Variants in C4orf51 observed in about 807,000 individuals in gnomAD.
C4orf51 encodes uncharacterized protein C4orf51.
Under a neutral mutation model 25.2 loss-of-function variants are expected in C4orf51, and 25 were observed. That is an observed-to-expected ratio of 0.99 (90% CI 0.72 to 1.39). C4orf51 has a LOEUF of 1.39. Among genes scored for constraint, C4orf51 ranks in the 40% most tolerant of loss-of-function variants. The probability of loss-of-function intolerance (pLI) is 0.00; values close to 1 mark genes in which losing one functional copy is unlikely to be tolerated. For missense variants in C4orf51, 252 were observed against 239.6 expected, an observed-to-expected ratio of 1.05 and a Z score of -0.34; for synonymous variants, 100 against 84.5, an observed-to-expected ratio of 1.18 and a Z score of -1.01.
At chr4:145,752,997 G>C (rs973879283) in intron 1 of C4orf51, among the ~76,000 whole-genome samples, 1 of 152,154 alleles carries the variant, frequency 6.6e-6, no homozygotes, top group African/African-American at 2.4e-5. Flanking sequence ...TGCGTGCCAC[G>C]TGGCCGCTGC....
intron 1 of C4orf51, among the ~76,000 whole-genome samples, chr4:145,686,931 G>A (rs1729190128): frequency 6.6e-6 from 1 of 151,574 alleles, no homozygotes; most frequent in Admixed American, 6.6e-5. Context: ...CCACATGGCA[G>A]CCTGACACCA....
intron 1 of C4orf51, among the ~76,000 whole-genome samples, chr4:145,753,202 G>A (rs1174894783): frequency 6.6e-6 from 1 of 151,222 alleles, no homozygotes; most frequent in Non-Finnish European, 1.5e-5. Context: ...TGGTGTTTCT[G>A]GTGGGGGAAA....
downstream of C4orf51, among the ~76,000 whole-genome samples, chr4:145,733,226 C>T (rs1732597872): frequency 6.6e-6 from 1 of 151,994 alleles, no homozygotes. Context: ...GCGGCCGTCT[C>T]CTTCTTCCTC....
At chr4:145,681,709 G>A (rs907269923) in intron 1 of C4orf51, among the ~76,000 whole-genome samples, 1 of 152,190 alleles carries the variant, frequency 6.6e-6, no homozygotes, top group African/African-American at 2.4e-5. Context: ...TGCAGAGGGT[G>A]AAAGGTGGAA....
chr4:145,729,069 A>T, intron 3 of C4orf51, 100 bp from the exon 4 acceptor site: 1 of 832,364 alleles, frequency 1.2e-6, no homozygotes, highest in Non-Finnish European at 2.0e-6. Context: ...TGCTTTCTGA[A>T]TGCAGGGGTG....
Position 145,724,071 on chromosome 4 carries a change from T to C in C4orf51, c.308-2840T>C, listed in dbSNP as rs763835836. ...CACAAATTCTAATGCCTGGTTTTTT[T>C]CCCCAGAATGCACCAAATGCCCTCA... is the stretch of plus-strand genomic sequence containing the variant. On this transcript the variant is annotated intron_variant, in intron 2 of 5. Coordinates refer to ENST00000438731, the MANE Select transcript of C4orf51 (RefSeq NM_001080531.3). 3.9e-5 allele frequency among the ~76,000 whole-genome samples: 6 copies of C among 152,328 alleles called. No individual in the cohort carries two copies. In the South Asian group the frequency reaches 1.0e-3, roughly 26 times the overall value.
intron 2 of C4orf51, among the ~76,000 whole-genome samples, chr4:145,698,880 G>A (rs926934785): frequency 6.6e-6 from 1 of 152,060 alleles, no homozygotes; most frequent in Non-Finnish European, 1.5e-5. Flanking sequence ...GCACATATAC[G>A]CCCAGATGGC....
downstream of C4orf51, among the ~76,000 whole-genome samples, chr4:145,773,489 G>A (rs1157344458): frequency 2.0e-5 from 3 of 152,210 alleles, no homozygotes; most frequent in Non-Finnish European, 4.4e-5. Context: ...GATGATGTGA[G>A]GGGCTGACCC....
At chr4:145,760,868 G>A in intron 1 of C4orf51, 2 of 1,223,246 alleles carry the variant, frequency 1.6e-6, no homozygotes, top group Non-Finnish European at 2.1e-6. Context: ...GTCTGAGGTC[G>A]GGGAGGGTGG....
At chr4:145,682,893 T>C (rs1282367659) in intron 1 of C4orf51, among the ~76,000 whole-genome samples, 1 of 152,252 alleles carries the variant, frequency 6.6e-6, no homozygotes, top group East Asian at 1.9e-4. Flanking sequence ...TGATTCTTTC[T>C]GTATTCAAGA....
At chr4:145,693,564 G>T (rs1273846076) in intron 1 of C4orf51, among the ~76,000 whole-genome samples, 4 of 151,328 alleles carry the variant, frequency 2.6e-5, no homozygotes, top group African/African-American at 7.3e-5. Context: ...TCCCAGATGG[G>T]GTGGTGGCCG....
At position 145,680,210 on chromosome 4, in the gene C4orf51, C is replaced by T. The variant is rs1393951465; in HGVS notation, c.7C>T (p.His3Tyr). 2 of 1,610,020 alleles carry T rather than the reference C, an allele frequency of 1.2e-6. No homozygotes were observed. Among genetic ancestry groups the T allele is most frequent in the East Asian group, 4.5e-5 (2 of 44,858 alleles). ...AGAGAGGCCGTTCGTAGTTATGTCA[C>T]ACTACTTCTACTTGACTCCACAAAT... MS[H>Y]YFYLTPQILL... The change falls in exon 1 of 6, where the codon CAC (histidine) becomes TAC (tyrosine). Residue 3 changes from histidine to tyrosine, a missense_variant. Transcript: ENST00000438731.
intron 2 of C4orf51, among the ~76,000 whole-genome samples, chr4:145,719,588 C>CAAAAA (rs57272346): frequency 1.1e-4 from 10 of 90,042 alleles, no homozygotes; most frequent in East Asian, 3.2e-4. Flanking sequence ...GACTCTGTCT[C>CAAAAA]AAAAAAAAAA....
At chr4:145,698,541 G>A (rs1730222317) in intron 2 of C4orf51, among the ~76,000 whole-genome samples, 1 of 152,220 alleles carries the variant, frequency 6.6e-6, no homozygotes, top group Admixed American at 6.5e-5. Flanking sequence ...GGGATGTGGA[G>A]ACCAAGGTTT....
intron 2 of C4orf51, among the ~76,000 whole-genome samples, chr4:145,714,467 A>AT (rs1454311975): frequency 6.6e-6 from 1 of 152,132 alleles, no homozygotes; most frequent in African/African-American, 2.4e-5. Context: ...TTCTTCCTAC[A>AT]TATCTGCCAC....
intron 1 of C4orf51, among the ~76,000 whole-genome samples, chr4:145,752,046 G>A (rs1486297400): frequency 2.0e-5 from 3 of 152,204 alleles, no homozygotes; most frequent in African/African-American, 4.8e-5. Flanking sequence ...TGTCAGGGCA[G>A]TGGGCTCCCC....
intron 1 of C4orf51, among the ~76,000 whole-genome samples, chr4:145,744,146 TAAATG>T (rs1297836277): frequency 6.6e-6 from 1 of 150,702 alleles, no homozygotes; most frequent in Non-Finnish European, 1.5e-5. Flanking sequence ...CATTAAATAA[TAAATG>T]AAAAAGAGAG....
At position 145,728,446 on chromosome 4, in the gene C4orf51, T is replaced by A. The variant is rs572745710; in HGVS notation, c.367-723T>A. Among the ~76,000 whole-genome samples, 45 of 152,332 alleles carry A rather than the reference T, an allele frequency of 3.0e-4. No individual in the cohort carries two copies. In the East Asian group the frequency reaches 8.5e-3, roughly 29 times the overall value. ...TTATTCATCATTCATAGTTCTTTCA[T>A]GAATTGTAATTGATTCTCACTATTT... On this transcript the variant is annotated intron_variant, in intron 3 of 5. Transcript: ENST00000438731.
rs398051305 is a variant in C4orf51 at position 145,731,564 on chromosome 4, C to CTTTTTTTT, written c.502-863_502-856dup. On this transcript the variant is annotated intron_variant, in intron 5 of 5. Transcript: ENST00000438731. ...TTTTTATTTATGAGACAAGGCAAAT[C>CTTTTTTTT]TTTTTTTTTTTTTTTTTTTTTTTTT... 4.6e-3 allele frequency among the ~76,000 whole-genome samples: 202 copies of CTTTTTTTT among 43,878 alleles called. 17 individuals carry two copies. Among genetic ancestry groups the CTTTTTTTT allele is most frequent in the East Asian group, 9.9e-3 (12 of 1,208 alleles). The allele number at this position is 43,878 out of a possible 152,430, so 28.8% of individuals were successfully genotyped here.
Sources: allele counts gnomAD v4.1 joint callset (sites outside exome capture counted in the v4.1 genomes callset), GRCh38; gene constraint gnomAD v4.1.1; transcripts MANE v1.5; gene names NCBI Gene and HGNC (gene_info 2026-07-23, HGNC 2026-07-21).